The following PDLIM1 variants were observed in gnomAD, a reference collection of about 807,000 sequenced individuals.
PDLIM1 encodes PDZ and LIM domain protein 1.
PDLIM1 carries 25 observed loss-of-function variants against 35.2 expected under a neutral mutation model. The observed-to-expected ratio is 0.71, with a 90% CI of 0.52 to 0.99. The LOEUF (loss-of-function observed/expected upper bound fraction) is 0.99, where lower values mean the gene tolerates loss of function less well. Among genes scored for constraint, PDLIM1 ranks in the 50% least tolerant of loss-of-function variants. The pLI is 0.00. For missense variants in PDLIM1, 363 were observed against 415.3 expected, an observed-to-expected ratio of 0.87 and a Z score of 1.09; for synonymous variants, 152 against 154.0, an observed-to-expected ratio of 0.99 and a Z score of 0.10.
At chr10:95,264,602 G>A (rs978027860) in intron 3 of PDLIM1, among the ~76,000 whole-genome samples, 4 of 152,216 alleles carry the variant, frequency 2.6e-5, no homozygotes, top group African/African-American at 7.2e-5. Flanking sequence ...TCAGTCTCCT[G>A]CAGAGCAAGG....
intron 4 of PDLIM1, among the ~76,000 whole-genome samples, chr10:95,262,869 TTGG>T (rs1335713504): frequency 6.6e-6 from 1 of 152,088 alleles, no homozygotes; most frequent in Non-Finnish European, 1.5e-5. Flanking sequence ...CTCAAAGGGC[TTGG>T]TGGCTCATGC....
At chr10:95,280,307 A>C (rs192791971) in intron 1 of PDLIM1, among the ~76,000 whole-genome samples, 1 of 152,158 alleles carries the variant, frequency 6.6e-6, no homozygotes, top group African/African-American at 2.4e-5. Context: ...CCGGGGAGGC[A>C]GAGGTTGCAA....
In PDLIM1 at chr10:95,263,877, C is replaced by T. The variant is rs1589513271; in HGVS notation, c.520G>A (p.Ala174Thr). Reference protein sequence around the residue: ...ESKTAASGVEANSRPLDHAQP... With the variant: ...ESKTAASGVETNSRPLDHAQP... ...TGGGCTACTTACGGTCTGCTGTTCG[C>T]CTCCACCCCGCTGGCAGCAGTCTTT... The change falls in exon 4 of 7, where the codon GCG (alanine) becomes ACG (threonine). Residue 174 changes from alanine to threonine, a missense_variant. Transcript: ENST00000329399. The T allele has an allele frequency of 5.0e-6, 8 of 1,612,510 alleles. No homozygotes were observed. In the East Asian group the frequency reaches 8.9e-5, roughly 18 times the overall value.
Position 95,256,769 on chromosome 10 carries a change from C to T in PDLIM1, c.533+7095G>A, listed in dbSNP as rs2035314451. On this transcript the variant is annotated intron_variant, in intron 4 of 6. Coordinates refer to ENST00000329399, the MANE Select transcript of PDLIM1 (RefSeq NM_020992.4). ...GGCAGATCACTTGAGGTCAGGAGTTCAAGACCAGCCTGGCCAACACAGTGA... is the reference window on the plus strand; with the variant it reads ...GGCAGATCACTTGAGGTCAGGAGTTTAAGACCAGCCTGGCCAACACAGTGA... 2.0e-5 allele frequency among the ~76,000 whole-genome samples: 3 copies of T among 151,736 alleles called. No individual in the cohort carries two copies. In the South Asian group the frequency reaches 6.2e-4, roughly 31 times the overall value.
rs181708144 is a variant in PDLIM1 at position 95,272,459 on chromosome 10, C to T, written c.97-675G>A. ...TTGGGAGGCCAAGGCAGGCGGATCA[C>T]CTGAGGCCACGAGTTTGAGACCAGC... On this transcript the variant is annotated intron_variant, in intron 1 of 6. Transcript: ENST00000329399. Among the ~76,000 whole-genome samples the T allele has an allele frequency of 4.5e-3, 690 of 152,258 alleles. 1 individual carries two copies. The highest frequency in any genetic ancestry group is 6.9e-3 in the Non-Finnish European group (472 of 68,028).
At chr10:95,269,988 C>T (rs1246607621) in intron 2 of PDLIM1, among the ~76,000 whole-genome samples, 1 of 152,124 alleles carries the variant, frequency 6.6e-6, no homozygotes, top group East Asian at 1.9e-4. Flanking sequence ...CTACCCACCT[C>T]GGCCTCCCAA....
intron 4 of PDLIM1, among the ~76,000 whole-genome samples, chr10:95,257,037 A>AGAAT (rs1564600762): frequency 7.2e-6 from 1 of 139,460 alleles, no homozygotes; most frequent in Admixed American, 7.4e-5. Context: ...AAAGAAAGAA[A>AGAAT]GAATTCAAAA....
chr10:95,285,851 C>T (rs2035597641), intron 1 of PDLIM1, among the ~76,000 whole-genome samples: 1 of 152,116 alleles, frequency 6.6e-6, no homozygotes, highest in South Asian at 2.1e-4. Flanking sequence ...TAGAATGGTG[C>T]CTGGCATATT....
intron 1 of PDLIM1, among the ~76,000 whole-genome samples, chr10:95,286,969 A>G (rs932865816): frequency 1.3e-5 from 2 of 152,206 alleles, no homozygotes; most frequent in Non-Finnish European, 2.9e-5. Context: ...TCAGTCATCT[A>G]CCTGGCTGCA....
intron 2 of PDLIM1, 120 bp from the exon 3 acceptor site, chr10:95,268,982 CA>C: frequency 2.9e-6 from 2 of 687,338 alleles, no homozygotes; most frequent in Non-Finnish European, 2.6e-6. Flanking sequence ...ACCCTCCCAT[CA>C]GCTCTACCTT....
At chr10:95,258,985 T>C (rs1475398171) in intron 4 of PDLIM1, among the ~76,000 whole-genome samples, 1 of 152,142 alleles carries the variant, frequency 6.6e-6, no homozygotes, top group East Asian at 1.9e-4. Flanking sequence ...ATAACATTTT[T>C]GAAATAATAA....
chr10:95,264,583 G>A (rs2035396574), intron 3 of PDLIM1, among the ~76,000 whole-genome samples: 1 of 152,218 alleles, frequency 6.6e-6, no homozygotes, highest in Non-Finnish European at 1.5e-5. Flanking sequence ...TGACTAGGCA[G>A]AGATGGTCTC....
rs968918923 is a variant in PDLIM1 at position 95,290,625 on chromosome 10, C to T, written c.96+195G>A. On this transcript the variant is annotated intron_variant, in intron 1 of 6. Coordinates refer to ENST00000329399, the MANE Select transcript of PDLIM1 (RefSeq NM_020992.4). The surrounding 1 kb of genome is among the most constrained non-coding windows in gnomAD (Gnocchi z 4.7). ...CGCGCCCGCGGCGGGCCGACCAGCC[C>T]GGGAGCGCAGCCTCCGCGAAGGGGC... Among the ~76,000 whole-genome samples the T allele has an allele frequency of 2.0e-5, 3 of 152,046 alleles. 1 individual carries two copies. The highest frequency in any genetic ancestry group is 7.2e-5 in the African/African-American group (3 of 41,520).
chr10:95,279,024 A>C (rs1392999495), intron 1 of PDLIM1, among the ~76,000 whole-genome samples: 2 of 152,236 alleles, frequency 1.3e-5, no homozygotes, highest in African/African-American at 4.8e-5. Context: ...AAATGGACCC[A>C]GCCAACAGTC....
Position 95,259,858 on chromosome 10 carries a change from G to A in PDLIM1, c.533+4006C>T, listed in dbSNP as rs2035346252. Among the ~76,000 whole-genome samples the A allele has an allele frequency of 2.6e-5, 4 of 152,298 alleles. No homozygotes were observed. The South Asian group carries it at 8.3e-4, about 32-fold the overall frequency. The stretch of plus-strand genomic sequence containing the variant: ...TGGAAGAGCTATTATCTAGGGCCTA[G>A]TATGTTGGTTACAGGAGCTCTCCAA... On this transcript the variant is annotated intron_variant, in intron 4 of 6. Transcript: ENST00000329399.
At chr10:95,264,239 G>A (rs2035393043) in intron 3 of PDLIM1, among the ~76,000 whole-genome samples, 176 bp from the exon 4 acceptor site, 1 of 152,062 alleles carries the variant, frequency 6.6e-6, no homozygotes, top group African/African-American at 2.4e-5. Flanking sequence ...GCAATGACTG[G>A]GGAAGTTTCC....
intron 4 of PDLIM1, among the ~76,000 whole-genome samples, chr10:95,261,865 G>A (rs936466294): frequency 3.3e-5 from 5 of 152,034 alleles, no homozygotes; most frequent in Admixed American, 6.6e-5. Context: ...AAAATTATCC[G>A]GGCGTGGTGG....
At chr10:95,246,295 C>T (rs1366685261) in intron 5 of PDLIM1, among the ~76,000 whole-genome samples, 1 of 152,182 alleles carries the variant, frequency 6.6e-6, no homozygotes, top group African/African-American at 2.4e-5. Flanking sequence ...TAAAGCATCC[C>T]TTCTTCAATA....
Position 95,263,871 on chromosome 10 carries a change from T to G in PDLIM1, c.526A>C (p.Ser176Arg). Reference sequence around the variant, plus strand: ...GACTCCTGGGCTACTTACGGTCTGCTGTTCGCCTCCACCCCGCTGGCAGCA... The same window carrying G: ...GACTCCTGGGCTACTTACGGTCTGCGGTTCGCCTCCACCCCGCTGGCAGCA... ...KTAASGVEAN[S>R]RPLDHAQPPS... The change falls in exon 4 of 7, where the codon AGC becomes CGC. Residue 176 changes from serine (S) to arginine (R), a missense_variant. By Grantham distance (110) the Ser-to-Arg change is moderately radical (BLOSUM62 -1). Transcript: ENST00000329399. 6.2e-7 allele frequency: 1 copy of G among 1,611,674 alleles called. No individual in the cohort carries two copies. Among genetic ancestry groups the G allele is most frequent in the East Asian group, 2.2e-5 (1 of 44,872 alleles).
Sources: gnomAD v4.1 joint callset for allele counts (sites outside exome capture counted in the v4.1 genomes callset) on GRCh38, gnomAD v4.1.1 for gene constraint, Gnocchi (gnomAD v3.1) non-coding constraint, MANE v1.5 for transcripts, NCBI Gene and HGNC (gene_info 2026-07-23, HGNC 2026-07-21) for gene names.